Variants in CCDC171 observed in about 807,000 individuals in gnomAD.
CCDC171 encodes the protein coiled-coil domain-containing protein 171.
A neutral mutation model predicts 168.2 loss-of-function variants in CCDC171; 177 were observed. The observed-to-expected ratio is 1.05, with a 90% CI of 0.93 to 1.19. The LOEUF (loss-of-function observed/expected upper bound fraction) is 1.19. Ranked by LOEUF, CCDC171 falls within the 50% of genes most tolerant of loss-of-function variation. CCDC171 has a pLI of 0.00. For missense variants in CCDC171, 1,991 were observed against 1,539.0 expected (o/e 1.29, Z -4.91); for synonymous variants, 687 against 540.8 (o/e 1.27, Z -3.75).
chr9:15,705,695 C>T (rs928818489), intron 11 of CCDC171, among the ~76,000 whole-genome samples: 1 of 152,114 alleles, frequency 6.6e-6, no homozygotes, highest in Non-Finnish European at 1.5e-5. Flanking sequence ...CCCCATAGCA[C>T]CTATTGCAGT....
At chr9:16,008,216 A>G (rs989762929) in intron 3 of CCDC171, among the ~76,000 whole-genome samples, 2 of 152,084 alleles carry the variant, frequency 1.3e-5, no homozygotes, top group African/African-American at 4.8e-5. Flanking sequence ...CAGCTCTTAC[A>G]TTTAGGACTT....
chr9:15,830,693 A>G (rs943370778), intron 21 of CCDC171, among the ~76,000 whole-genome samples: 2 of 152,214 alleles, frequency 1.3e-5, no homozygotes, highest in Non-Finnish European at 2.9e-5. Context: ...TTGAGAGTAG[A>G]AAGTAAAGTG....
At chr9:15,791,818 A>G in intron 21 of CCDC171, among the ~76,000 whole-genome samples, 1 of 152,238 alleles carries the variant, frequency 6.6e-6, no homozygotes, top group Non-Finnish European at 1.5e-5. Flanking sequence ...CCAAAACCTC[A>G]TATGTACGTC....
At chr9:15,876,450 T>TCAC (rs1194163183) in intron 24 of CCDC171, among the ~76,000 whole-genome samples, 6 of 151,990 alleles carry the variant, frequency 3.9e-5, no homozygotes, top group Non-Finnish European at 5.9e-5. Flanking sequence ...ATTTTACACT[T>TCAC]CACCACCACC....
chr9:16,055,524 C>T (rs1017698652), intron 1 of CCDC171, among the ~76,000 whole-genome samples: 2 of 152,170 alleles, frequency 1.3e-5, no homozygotes, highest in African/African-American at 2.4e-5. Flanking sequence ...GGGGTCCTTT[C>T]ATGTCCACTG....
the CCDC171 span, among the ~76,000 whole-genome samples, chr9:16,077,100 G>A: frequency 1.1e-4 from 17 of 152,140 alleles, no homozygotes; most frequent in Admixed American, 2.6e-4. Context: ...GGAAATTATC[G>A]TGTATTAGAT....
intron 7 of CCDC171, among the ~76,000 whole-genome samples, chr9:15,626,992 G>A (rs1300929512): frequency 6.6e-6 from 1 of 152,184 alleles, no homozygotes; most frequent in African/African-American, 2.4e-5. Flanking sequence ...CTCAATTTCA[G>A]AGCCTGTTAT....
chr9:15,691,600 A>G (rs1227725633), intron 10 of CCDC171, among the ~76,000 whole-genome samples: 1 of 142,382 alleles, frequency 7.0e-6, no homozygotes, highest in East Asian at 2.0e-4. Flanking sequence ...CTTTATAAAT[A>G]CTGTGTTTTT....
intron 11 of CCDC171, among the ~76,000 whole-genome samples, chr9:15,713,415 A>G (rs36086644): frequency 0.46 from 69,337 of 151,864 alleles, 16,157 homozygotes; most frequent in Non-Finnish European, 0.51. Context: ...AATAGGGCCC[A>G]TGGGAATCTG....
chr9:16,066,061 T>C (rs770463918), downstream of CCDC171, among the ~76,000 whole-genome samples: 18 of 152,144 alleles, frequency 1.2e-4, no homozygotes, highest in Non-Finnish European at 2.2e-4. Flanking sequence ...CATCCCACTG[T>C]CTCCCTAATG....
At chr9:15,860,361 A>G (rs535802321) in intron 23 of CCDC171, among the ~76,000 whole-genome samples, 23 of 150,446 alleles carry the variant, frequency 1.5e-4, no homozygotes, top group African/African-American at 5.6e-4. Flanking sequence ...TAAATCGTTT[A>G]TGCGACATCT....
At chr9:15,983,735 C>T (rs1238149620) in intron 3 of CCDC171, among the ~76,000 whole-genome samples, 1 of 150,296 alleles carries the variant, frequency 6.7e-6, no homozygotes, top group East Asian at 2.0e-4. Context: ...ATGTGATTGC[C>T]TGCAATGAGA....
intron 24 of CCDC171, among the ~76,000 whole-genome samples, chr9:15,878,985 G>C (rs765589150): frequency 2.5e-4 from 38 of 152,128 alleles, no homozygotes; most frequent in Non-Finnish European, 5.1e-4. Context: ...TGTGGGAGAA[G>C]GGAGAGGATC....
At chr9:16,007,862 G>A (rs924077639) in intron 3 of CCDC171, among the ~76,000 whole-genome samples, 1 of 152,126 alleles carries the variant, frequency 6.6e-6, no homozygotes, top group Non-Finnish European at 1.5e-5. Flanking sequence ...AAGTCAGGTA[G>A]CGTGATGCCT....
intron 24 of CCDC171, among the ~76,000 whole-genome samples, chr9:15,881,432 C>G (rs1403859506): frequency 2.0e-5 from 3 of 152,042 alleles, no homozygotes; most frequent in Admixed American, 2.0e-4. Context: ...AATCAGTGTG[C>G]TTGGGATATA....
intron 21 of CCDC171, among the ~76,000 whole-genome samples, chr9:15,797,098 G>T (rs981872560): frequency 1.3e-5 from 2 of 152,096 alleles, no homozygotes; most frequent in African/African-American, 2.4e-5. Context: ...TATATGGTAT[G>T]TTTTTTGCAT....
At chr9:15,876,960 C>G (rs1026111996) in intron 24 of CCDC171, among the ~76,000 whole-genome samples, 16 of 152,148 alleles carry the variant, frequency 1.1e-4, no homozygotes, top group African/African-American at 3.6e-4. Flanking sequence ...GAAGTAGGAG[C>G]TGAAGTTTTC....
At chr9:15,722,790 T>G (rs1002113886) in intron 12 of CCDC171, among the ~76,000 whole-genome samples, 1 of 152,198 alleles carries the variant, frequency 6.6e-6, no homozygotes, top group Non-Finnish European at 1.5e-5. Flanking sequence ...CGGTAATTGT[T>G]CAAAAGGCAT....
Position 16,009,058 on chromosome 9 carries a change from TGTA to T in CCDC171, n.369-11530_369-11528del, listed in dbSNP as rs1832785647. Reference sequence around the variant, plus strand: ...ATAATTTTATAATTAATATAAAAATTGTATTATTATAATTTTGCAAAGATGTAA... The same window carrying T: ...ATAATTTTATAATTAATATAAAAATTTTATTATAATTTTGCAAAGATGTAA... On this transcript the variant is annotated intron_variant and non_coding_transcript_variant, in intron 3 of 9. Transcript: ENST00000486641. Among the ~76,000 whole-genome samples, 4 of 151,626 alleles carry T rather than the reference TGTA, an allele frequency of 2.6e-5. 1 individual carries two copies. The highest frequency in any genetic ancestry group is 2.6e-4 in the Admixed American group (4 of 15,222).
Sources: gnomAD v4.1 joint callset for allele counts (sites outside exome capture counted in the v4.1 genomes callset) on GRCh38, gnomAD v4.1.1 for gene constraint, MANE v1.5 for transcripts, NCBI Gene and HGNC (gene_info 2026-07-23, HGNC 2026-07-21) for gene names.